Variants in PLEKHM3 observed in about 807,000 individuals in gnomAD.
The protein encoded by PLEKHM3 is pleckstrin homology domain containing M3.
A neutral mutation model predicts 81.8 loss-of-function variants in PLEKHM3; 45 were observed. That is an observed-to-expected ratio of 0.55 (90% CI 0.43 to 0.71). The LOEUF (loss-of-function observed/expected upper bound fraction) is 0.71. PLEKHM3 is among the 30% of genes least tolerant of loss of function. The pLI, the probability that PLEKHM3 is intolerant of heterozygous loss-of-function variation, is 0.00. For synonymous variants in PLEKHM3, 352 were observed against 356.4 expected, an observed-to-expected ratio of 0.99 and a Z score of 0.14; for missense variants, 788 against 924.3, an observed-to-expected ratio of 0.85 and a Z score of 1.91.
intron 5 of PLEKHM3, among the ~76,000 whole-genome samples, chr2:207,928,389 T>C (rs748581537): frequency 6.6e-6 from 1 of 152,214 alleles, no homozygotes; most frequent in Non-Finnish European, 1.5e-5. Context: ...TTAATTCTAG[T>C]AGAGAAAATA....
chr2:207,946,658 G>A, intron 3 of PLEKHM3, 146 bp from the exon 4 acceptor site: 3 of 1,098,426 alleles, frequency 2.7e-6, no homozygotes, highest in Non-Finnish European at 3.8e-6. Flanking sequence ...TAATAGAGTT[G>A]TACAGTTGTG....
intron 1 of PLEKHM3, among the ~76,000 whole-genome samples, chr2:208,022,907 G>C (rs1332970039): frequency 6.6e-6 from 1 of 152,146 alleles, no homozygotes; most frequent in Non-Finnish European, 1.5e-5. Flanking sequence ...ACAGTCTTAG[G>C]TGTTGTTTCT....
chr2:207,892,631 T>C (rs1184335184), intron 6 of PLEKHM3, among the ~76,000 whole-genome samples: 1 of 152,190 alleles, frequency 6.6e-6, no homozygotes, highest in Non-Finnish European at 1.5e-5. Flanking sequence ...TCCCTCATCC[T>C]AAGCAGCTGA....
chr2:207,992,066 C>G (rs1228100739), intron 2 of PLEKHM3, among the ~76,000 whole-genome samples: 2 of 152,296 alleles, frequency 1.3e-5, no homozygotes, highest in East Asian at 3.9e-4. Context: ...CAAGGTTATA[C>G]CACAAAGTGG....
At chr2:207,930,072 A>C (rs1470097570) in intron 5 of PLEKHM3, 7 of 516,738 alleles carry the variant, frequency 1.4e-5, no homozygotes, top group Non-Finnish European at 2.4e-5. Context: ...TCTGTAAAAA[A>C]GGAATTTTAT....
chr2:207,979,307 G>C (rs777998197), intron 2 of PLEKHM3, among the ~76,000 whole-genome samples: 1 of 152,142 alleles, frequency 6.6e-6, no homozygotes, highest in African/African-American at 2.4e-5. Flanking sequence ...AGCCGAGGAG[G>C]GTGGATCACC....
chr2:207,849,439 T>A (rs1465467803), intron 7 of PLEKHM3, among the ~76,000 whole-genome samples: 1 of 152,180 alleles, frequency 6.6e-6, no homozygotes, highest in Non-Finnish European at 1.5e-5. Flanking sequence ...GTGCCACCAT[T>A]ATTTCTTAGA....
At position 207,826,016 on chromosome 2, in the gene PLEKHM3, T is replaced by A. The variant is rs1270013097; in HGVS notation, c.*2303A>T. On this transcript the variant is annotated 3_prime_UTR_variant, in exon 8 of 8. Transcript: ENST00000427836. ...GCCTGTGAGCTAGGAGAGGAAATTC[T>A]GTATGCAGGGCAAACATGTTACAAG... The A allele has an allele frequency of 6.6e-6, 1 of 152,220 alleles. No homozygotes were observed. Among genetic ancestry groups the A allele is most frequent in the Non-Finnish European group, 1.5e-5 (1 of 68,050 alleles). 9.4% of individuals were successfully genotyped at this position (152,220 alleles called of 1,614,324 possible).
intron 7 of PLEKHM3, among the ~76,000 whole-genome samples, chr2:207,844,872 T>C (rs975308458): frequency 1.3e-5 from 2 of 152,166 alleles, no homozygotes; most frequent in Non-Finnish European, 2.9e-5. Flanking sequence ...TTCCAGTAGC[T>C]CCAGGTGTGG....
At chr2:207,842,232 C>A (rs2092358917) in intron 7 of PLEKHM3, among the ~76,000 whole-genome samples, 1 of 152,176 alleles carries the variant, frequency 6.6e-6, no homozygotes, top group South Asian at 2.1e-4. Context: ...CCGCGCCTGG[C>A]CCCCATCTTT....
In PLEKHM3 at chr2:208,001,256, G is replaced by A. The variant is rs767571069; in HGVS notation, c.384C>T (p.Asp128=). The A allele has an allele frequency of 1.9e-6, 3 of 1,614,208 alleles. No homozygotes were observed. In the Admixed American group the frequency reaches 5.0e-5, roughly 27 times the overall value. Residue 128 remains aspartate, a synonymous_variant, in exon 2 of 8, where the codon GAC becomes GAT. Coordinates refer to ENST00000427836, the MANE Select transcript of PLEKHM3 (RefSeq NM_001080475.3). ...GTAAGTCATTTACAGAACGAGGCCGGTCCCTCCGACGCTGACAGATATTGA... is the reference window on the plus strand; with the variant it reads ...GTAAGTCATTTACAGAACGAGGCCGATCCCTCCGACGCTGACAGATATTGA... ...NFFNICQRRR[D]RPRSVNDLLD... is the part of the protein sequence containing the mutation.
chr2:207,926,613 T>C (rs1049970407), intron 5 of PLEKHM3, among the ~76,000 whole-genome samples: 1 of 152,214 alleles, frequency 6.6e-6, no homozygotes, highest in East Asian at 1.9e-4. Context: ...AAAAGTTAAC[T>C]AGACCTTGAA....
intron 3 of PLEKHM3, among the ~76,000 whole-genome samples, chr2:207,974,726 T>G (rs1016865941): frequency 1.2e-4 from 19 of 152,208 alleles, no homozygotes; most frequent in African/African-American, 4.3e-4. Context: ...TTTAAAAAAC[T>G]GCTAAAACTA....
chr2:207,966,476 C>T (rs574124634), intron 3 of PLEKHM3, among the ~76,000 whole-genome samples: 60 of 152,260 alleles, frequency 3.9e-4, no homozygotes, highest in South Asian at 2.3e-3. Context: ...TTGTGTCTTC[C>T]CTATTCTAGG....
intron 5 of PLEKHM3, among the ~76,000 whole-genome samples, chr2:207,923,855 G>GCACACACACACACACACA (rs1157865708): frequency 1.1e-3 from 21 of 18,884 alleles, no homozygotes; most frequent in African/African-American, 3.0e-3. Context: ...ACACACGCAC[G>GCACACACACACACACACA]CACACACACA....
chr2:208,019,185 A>T (rs1171356218), intron 1 of PLEKHM3, among the ~76,000 whole-genome samples: 1 of 152,062 alleles, frequency 6.6e-6, no homozygotes, highest in Non-Finnish European at 1.5e-5. Context: ...GTGAACCTAT[A>T]GTCCTAGCTA....
At chr2:207,943,730 T>C (rs1427658672) in intron 4 of PLEKHM3, among the ~76,000 whole-genome samples, 1 of 150,602 alleles carries the variant, frequency 6.6e-6, no homozygotes, top group Non-Finnish European at 1.5e-5. Flanking sequence ...TAGCCGGGCG[T>C]AGTGGCGGGC....
intron 7 of PLEKHM3, among the ~76,000 whole-genome samples, chr2:207,847,778 A>T (rs984560081): frequency 3.3e-5 from 5 of 152,234 alleles, no homozygotes; most frequent in African/African-American, 1.2e-4. Context: ...TGCTTCTAGG[A>T]TCCCACACCT....
rs1488348428 is a variant in PLEKHM3 at position 207,828,479 on chromosome 2, G to A, written c.2126C>T (p.Ala709Val). The change falls in exon 8 of 8, where the codon GCC becomes GTC. Residue 709 changes from alanine to valine, a missense_variant. Coordinates refer to ENST00000427836, the MANE Select transcript of PLEKHM3 (RefSeq NM_001080475.3). ...ISTSRCESCG[A>V]VFHSECKEKS... is the part of the protein sequence containing the mutation. Reference sequence around the variant, plus strand: ...TTCTTTGCATTCAGAATGGAAAACGGCTCCACAGCTTTCACACCTGCAAAA... The same window carrying A: ...TTCTTTGCATTCAGAATGGAAAACGACTCCACAGCTTTCACACCTGCAAAA... The A allele has an allele frequency of 7.4e-6, 12 of 1,613,760 alleles. No individual in the cohort carries two copies. Among genetic ancestry groups the A allele is most frequent in the Non-Finnish European group, 9.3e-6 (11 of 1,179,944 alleles).
Sources: allele counts gnomAD v4.1 joint callset (sites outside exome capture counted in the v4.1 genomes callset), GRCh38; gene constraint gnomAD v4.1.1; transcripts MANE v1.5; gene names NCBI Gene and HGNC (gene_info 2026-07-23, HGNC 2026-07-21).